Variants in ABCA8 observed in about 807,000 individuals in gnomAD.
ABCA8 encodes the protein ABC-type organic anion transporter ABCA8.
In ABCA8, 177 loss-of-function variants were observed where a neutral mutation model predicts 192.3. The ratio of observed to expected loss-of-function variants is 0.92; its 90% CI spans 0.81 to 1.04. The LOEUF is 1.04. ABCA8 is among the 50% of genes least tolerant of loss of function. The probability of loss-of-function intolerance (pLI) is 0.00; values close to 1 mark genes in which losing one functional copy is unlikely to be tolerated. For synonymous variants in ABCA8, 642 were observed against 690.2 expected, an observed-to-expected ratio of 0.93 and a Z score of 1.09; for missense variants, 1,915 against 1,904.8, an observed-to-expected ratio of 1.01 and a Z score of -0.10.
chr17:68,884,745 C>T, intron 27 of ABCA8: 1 of 1,058,950 alleles, frequency 9.4e-7, no homozygotes, highest in Non-Finnish European at 1.1e-6. Context: ...CTCTTCCTTT[C>T]CCCTTCCCAT....
chr17:68,896,611 G>A (rs973430635), intron 21 of ABCA8, among the ~76,000 whole-genome samples: 5 of 151,958 alleles, frequency 3.3e-5, no homozygotes, highest in African/African-American at 4.8e-5. Flanking sequence ...TTACTTAGTC[G>A]CCACCTCCGT....
chr17:68,953,738 A>G (rs898340378), intron 1 of ABCA8, among the ~76,000 whole-genome samples: 1 of 152,320 alleles, frequency 6.6e-6, no homozygotes, highest in South Asian at 2.1e-4. Context: ...CACACTCCGT[A>G]TACAGACATA....
intron 17 of ABCA8, among the ~76,000 whole-genome samples, chr17:68,908,202 A>C (rs976892177): frequency 2.2e-4 from 34 of 152,166 alleles, no homozygotes; most frequent in Non-Finnish European, 7.4e-5. Context: ...GGAAAATACC[A>C]GGGTTGCAGT....
rs2067406391 is a variant in ABCA8 at position 68,917,531 on chromosome 17, A to G, written c.2048-80T>C. ...TCCAAGAAAAGACAGGTAATCATCTATATAATCAAACTTTAATTCAGGAGC... is the reference window on the plus strand; with the variant it reads ...TCCAAGAAAAGACAGGTAATCATCTGTATAATCAAACTTTAATTCAGGAGC... On this transcript the variant is annotated intron_variant, in intron 16 of 39. Transcript: ENST00000586539. 5 of 978,382 alleles carry G rather than the reference A, an allele frequency of 5.1e-6. No homozygotes were observed. The Admixed American group carries it at 9.0e-5, about 18-fold the overall frequency. 60.6% of individuals were successfully genotyped at this position (978,382 alleles called of 1,614,324 possible).
chr17:68,895,960 C>T (rs976788614), intron 21 of ABCA8, among the ~76,000 whole-genome samples: 1 of 152,106 alleles, frequency 6.6e-6, no homozygotes, highest in African/African-American at 2.4e-5. Context: ...GCTGAGAAGA[C>T]CAGAGGCCAC....
In ABCA8 at chr17:68,868,011, GA is replaced by G; in HGVS notation, c.*73del. ...ACTTATAATATAGTTTCTAAAAATA[GA>G]ACATTGCTGCTATAAAAATAAATGT... On this transcript the variant is annotated 3_prime_UTR_variant, in exon 40 of 40. Coordinates refer to ENST00000586539, the MANE Select transcript of ABCA8 (RefSeq NM_001288985.2). 1 of 1,076,872 alleles carries G rather than the reference GA, an allele frequency of 9.3e-7. No homozygotes were observed. 66.7% of individuals were successfully genotyped at this position (1,076,872 alleles called of 1,614,324 possible).
chr17:68,869,132 G>A (rs1394552704), intron 38 of ABCA8, among the ~76,000 whole-genome samples: 1 of 152,122 alleles, frequency 6.6e-6, no homozygotes, highest in Non-Finnish European at 1.5e-5. Context: ...ATATATCACT[G>A]AGCAGTGACA....
rs766267597 is a variant in ABCA8 at position 68,894,867 on chromosome 17, G to A, written c.2898+13C>T. 5 of 1,605,142 alleles carry A rather than the reference G, an allele frequency of 3.1e-6. No individual in the cohort carries two copies. The East Asian group carries it at 1.1e-4, about 36-fold the overall frequency. On this transcript the variant is annotated intron_variant, in intron 22 of 39. Transcript: ENST00000586539. ...TTCACATTTTTCAGAAAGATTATTAGAGACCTGCATACCTTTTCATTACAA... is the reference window on the plus strand; with the variant it reads ...TTCACATTTTTCAGAAAGATTATTAAAGACCTGCATACCTTTTCATTACAA...
intron 30 of ABCA8, 85 bp from the exon 31 acceptor site, chr17:68,882,065 C>T (rs1001810182): frequency 5.4e-6 from 6 of 1,111,192 alleles, no homozygotes; most frequent in Non-Finnish European, 8.1e-6. Flanking sequence ...ATTGGCTGGA[C>T]CCTTTGTTGC....
chr17:68,882,751 T>C lies in ABCA8; in HGVS notation c.3708-32A>G, dbSNP rs575023098. ...TCAAAACCATCCATTAATATTGATT[T>C]CTGGCTTTCATCTTTGTATCAAAAG... On this transcript the variant is annotated intron_variant, in intron 29 of 39. Coordinates refer to ENST00000586539, the MANE Select transcript of ABCA8 (RefSeq NM_001288985.2). The C allele has an allele frequency of 5.6e-6, 9 of 1,595,230 alleles. No individual in the cohort carries two copies. The African/African-American group carries it at 1.2e-4, about 21-fold the overall frequency.
intron 38 of ABCA8, among the ~76,000 whole-genome samples, chr17:68,868,914 A>C (rs553333236): frequency 3.9e-5 from 6 of 152,282 alleles, no homozygotes; most frequent in African/African-American, 1.4e-4. Flanking sequence ...GCTTAATGCC[A>C]ACCTGGAGAG....
chr17:68,920,055 G>A (rs1002590244), intron 13 of ABCA8: 2 of 152,172 alleles, frequency 1.3e-5, no homozygotes, highest in African/African-American at 2.4e-5. Context: ...ACACTCCGTG[G>A]AATATTATGC....
In ABCA8 at chr17:68,928,078, G is replaced by A; in HGVS notation, c.1126-15C>T. Reference sequence around the variant, plus strand: ...AAGTGTAAAAGCTGAAAATTAAAAAGTAATTAATTAAGGGAAATTAGGTAT... The same window carrying A: ...AAGTGTAAAAGCTGAAAATTAAAAAATAATTAATTAAGGGAAATTAGGTAT... On this transcript the variant is annotated splice_polypyrimidine_tract_variant and intron_variant, in intron 9 of 39. Transcript: ENST00000586539. The A allele has an allele frequency of 6.4e-7, 1 of 1,560,596 alleles. No individual in the cohort carries two copies. The highest frequency in any genetic ancestry group is 8.7e-7 in the Non-Finnish European group (1 of 1,150,576).
chr17:68,931,290 C>T (rs1274658453), intron 7 of ABCA8, among the ~76,000 whole-genome samples: 2 of 152,182 alleles, frequency 1.3e-5, no homozygotes, highest in Non-Finnish European at 2.9e-5. Flanking sequence ...GCAGCCTCAG[C>T]CTGGCAAACA....
At chr17:68,878,311 GA>G in intron 32 of ABCA8, 1 of 152,320 alleles carries the variant, frequency 6.6e-6, no homozygotes, top group Non-Finnish European at 1.5e-5. Flanking sequence ...GCTAGTCATG[GA>G]AAAAAAGGCA....
At chr17:68,872,502 C>T (rs1020586467) in intron 37 of ABCA8, among the ~76,000 whole-genome samples, 2 of 149,962 alleles carry the variant, frequency 1.3e-5, no homozygotes, top group African/African-American at 4.9e-5. Flanking sequence ...GGGTGCAGCG[C>T]ACCAGCATGG....
intron 23 of ABCA8, among the ~76,000 whole-genome samples, chr17:68,893,378 A>T (rs2066661529): frequency 6.6e-6 from 1 of 152,214 alleles, no homozygotes; most frequent in African/African-American, 2.4e-5. Flanking sequence ...TTAAGAATAG[A>T]TTCCCTCCTT....
chr17:68,894,376 A>C, intron 22 of ABCA8, 66 bp from the exon 23 acceptor site: 1 of 1,398,108 alleles, frequency 7.2e-7, no homozygotes, highest in Non-Finnish European at 9.6e-7. Context: ...AAAAGTCAAA[A>C]TTTGACATGT....
At chr17:68,912,769 C>T (rs1262211856) in intron 17 of ABCA8, among the ~76,000 whole-genome samples, 1 of 149,798 alleles carries the variant, frequency 6.7e-6, no homozygotes, top group Non-Finnish European at 1.5e-5. Context: ...AGGCTAAAGA[C>T]AGAGAGAGAG....
Sources: allele counts gnomAD v4.1 joint callset (sites outside exome capture counted in the v4.1 genomes callset), GRCh38; gene constraint gnomAD v4.1.1; transcripts MANE v1.5; gene names NCBI Gene and HGNC (gene_info 2026-07-23, HGNC 2026-07-21).